The following SDCCAG8 variants were observed in gnomAD, a reference collection of about 807,000 sequenced individuals.
SDCCAG8 encodes the protein SHH signaling and ciliogenesis regulator SDCCAG8.
Under a neutral mutation model 101.8 loss-of-function variants are expected in SDCCAG8, and 74 were observed. The ratio of observed to expected loss-of-function variants is 0.73; its 90% confidence interval spans 0.60 to 0.88. The LOEUF (loss-of-function observed/expected upper bound fraction) is 0.88. SDCCAG8 is among the 40% of genes least tolerant of loss of function. SDCCAG8 has a pLI of 0.00. For synonymous variants in SDCCAG8, 281 were observed against 292.9 expected, an observed-to-expected ratio of 0.96 and a Z score of 0.41; for missense variants, 787 against 822.6, an observed-to-expected ratio of 0.96 and a Z score of 0.53.
At chr1:243,480,372 A>G (rs1461057211) in intron 16 of SDCCAG8, among the ~76,000 whole-genome samples, 8 of 42,460 alleles carry the variant, frequency 1.9e-4, no homozygotes, top group Admixed American at 3.5e-4. Flanking sequence ...GGATGGATGG[A>G]TGGGTGGATG....
intron 5 of SDCCAG8, among the ~76,000 whole-genome samples, chr1:243,290,386 T>C (rs74150972): frequency 3.5e-3 from 540 of 152,342 alleles, no homozygotes; most frequent in African/African-American, 0.012. Flanking sequence ...GATAATATTT[T>C]ATATCATAAG....
intron 16 of SDCCAG8, among the ~76,000 whole-genome samples, chr1:243,483,375 C>G (rs1180941606): frequency 1.3e-5 from 2 of 152,168 alleles, no homozygotes; most frequent in Non-Finnish European, 2.9e-5. Flanking sequence ...ATCCTGGAGG[C>G]TGCTGAGCAC....
At chr1:243,487,523 G>A (rs1665224626) in intron 16 of SDCCAG8, among the ~76,000 whole-genome samples, 1 of 152,198 alleles carries the variant, frequency 6.6e-6, no homozygotes, top group Non-Finnish European at 1.5e-5. Context: ...CTCCTACTTG[G>A]ATGGAGGATC....
rs962565883 is a variant in SDCCAG8, at chr1:243,256,111, T to G, written c.-63T>G. 93 of 1,516,878 alleles carry G rather than the reference T, an allele frequency of 6.1e-5. No individual in the cohort carries two copies. The African/African-American group carries it at 8.8e-4, about 14-fold the overall frequency. The allele number at this position is 1,516,878 out of a possible 1,614,324, so 94.0% of individuals were successfully genotyped here. A position where few individuals can be genotyped will look rare whatever the true frequency, so the allele number is the denominator to read the frequency against. On this transcript the variant is annotated 5_prime_UTR_variant, in exon 1 of 18. Coordinates refer to ENST00000366541, the MANE Select transcript of SDCCAG8 (RefSeq NM_006642.5). ...CTCCCCGGCCACAGGCCTGTTGTTC[T>G]CGGAAGGGAGAAAGCTGGACATTTC... is the stretch of plus-strand genomic sequence containing the variant.
intron 4 of SDCCAG8, among the ~76,000 whole-genome samples, chr1:243,281,819 G>A (rs2069080924): frequency 6.7e-6 from 1 of 150,312 alleles, no homozygotes; most frequent in Admixed American, 6.6e-5. Context: ...TAATTTTTAT[G>A]TTTTTTTACA....
At position 243,344,329 on chromosome 1, in the gene SDCCAG8, C is replaced by A; in HGVS notation, c.1471C>A (p.Gln491Lys). 6.3e-7 allele frequency: 1 copy of A among 1,598,528 alleles called. No individual in the cohort carries two copies. The highest frequency in any genetic ancestry group is 8.6e-7 in the Non-Finnish European group (1 of 1,165,832). ...KTNRDLEIKD[Q>K]EIEKLRIELD... The stretch of plus-strand genomic sequence containing the variant: ...TAACAGGGATCTTGAAATTAAAGAT[C>A]AGGTAAGAGAGGACACAGCATAATT... The change falls in exon 12 of 18, where the codon CAG becomes AAG. Residue 491 changes from glutamine (Q) to lysine (K), a missense_variant and splice_region_variant. Gln to Lys is a moderately conservative substitution (Grantham distance 53). Transcript: ENST00000366541.
rs561525857 is a variant in SDCCAG8, at chr1:243,335,793, C to G, written c.1221+5101C>G. Among the ~76,000 whole-genome samples the G allele has an allele frequency of 2.5e-3, 378 of 152,306 alleles. 3 individuals carry two copies. The highest frequency in any genetic ancestry group is 8.6e-3 in the African/African-American group (357 of 41,558). On this transcript the variant is annotated intron_variant, in intron 10 of 17. Transcript: ENST00000366541. ...TTTTCAACCCCTACCCCACTCCCTC[C>G]CTCTCCTCTCTAGTCATCCCCAGTT...
At chr1:243,480,790 T>TGGGA (rs1663533899) in intron 16 of SDCCAG8, among the ~76,000 whole-genome samples, 2 of 56,078 alleles carry the variant, frequency 3.6e-5, no homozygotes, top group Non-Finnish European at 6.5e-5. Context: ...GATGGATGGG[T>TGGGA]GGGATGGATG....
chr1:243,326,892 GC>G (rs2074185944), intron 9 of SDCCAG8, among the ~76,000 whole-genome samples: 1 of 152,150 alleles, frequency 6.6e-6, no homozygotes, highest in Non-Finnish European at 1.5e-5. Flanking sequence ...TATTTTGACT[GC>G]CTAAGATAGT....
intron 9 of SDCCAG8, among the ~76,000 whole-genome samples, chr1:243,323,006 G>A (rs1354075462): frequency 3.3e-5 from 5 of 151,868 alleles, no homozygotes; most frequent in Non-Finnish European, 7.4e-5. Flanking sequence ...ATGGTGGTGT[G>A]CGCCTGTAGT....
At chr1:243,488,348 T>C (rs1665503014) in intron 16 of SDCCAG8, 1 of 153,536 alleles carries the variant, frequency 6.5e-6, no homozygotes, top group Non-Finnish European at 1.4e-5. Context: ...AGGCCACACA[T>C]CTCGCTTCTT....
chr1:243,438,559 C>T (rs192734893), intron 16 of SDCCAG8, among the ~76,000 whole-genome samples: 2 of 150,948 alleles, frequency 1.3e-5, no homozygotes, highest in African/African-American at 4.9e-5. Context: ...TGCACACGTG[C>T]GCGTGCACCT....
At chr1:243,498,528 C>A (rs546600764) in intron 17 of SDCCAG8, among the ~76,000 whole-genome samples, 1 of 152,206 alleles carries the variant, frequency 6.6e-6, no homozygotes, top group African/African-American at 2.4e-5. Flanking sequence ...CTCTAACTAC[C>A]CTGCTGAGAC....
At chr1:243,293,010 A>G in intron 5 of SDCCAG8, 81 bp from the exon 6 acceptor site, 4 of 1,511,460 alleles carry the variant, frequency 2.6e-6, no homozygotes, top group Non-Finnish European at 3.7e-6. Context: ...ATCATAGGTA[A>G]GAATAGGTAT....
chr1:243,442,306 C>T (rs2082591576), intron 16 of SDCCAG8, among the ~76,000 whole-genome samples: 1 of 152,140 alleles, frequency 6.6e-6, no homozygotes, highest in African/African-American at 2.4e-5. Context: ...AATGTTGCAA[C>T]CGTCTGGGTA....
At chr1:243,318,435 C>T (rs1042603858) in intron 9 of SDCCAG8, 6 of 330,316 alleles carry the variant, frequency 1.8e-5, no homozygotes, top group African/African-American at 1.1e-4. Flanking sequence ...ATAAAATAAT[C>T]TGTATAACAA....
chr1:243,326,157 A>G (rs2074135297), intron 9 of SDCCAG8, among the ~76,000 whole-genome samples: 1 of 152,212 alleles, frequency 6.6e-6, no homozygotes, highest in African/African-American at 2.4e-5. Context: ...TGAACAAAGT[A>G]TGTATTTCCA....
chr1:243,431,371 G>C (rs2081753534), intron 16 of SDCCAG8, among the ~76,000 whole-genome samples: 1 of 152,154 alleles, frequency 6.6e-6, no homozygotes, highest in Non-Finnish European at 1.5e-5. Context: ...AGAGGAGCGT[G>C]TCAAGGACGA....
At chr1:243,292,745 G>A (rs1361080115) in intron 5 of SDCCAG8, among the ~76,000 whole-genome samples, 1 of 152,234 alleles carries the variant, frequency 6.6e-6, no homozygotes, top group Admixed American at 6.5e-5. Context: ...TATTAGCCAT[G>A]CATTTATGAA....
Sources: gnomAD v4.1 joint callset for allele counts (sites outside exome capture counted in the v4.1 genomes callset) on GRCh38, gnomAD v4.1.1 for gene constraint, MANE v1.5 for transcripts, NCBI Gene and HGNC (gene_info 2026-07-23, HGNC 2026-07-21) for gene names.